KAZN: variants seen among roughly 807,000 people sequenced by gnomAD.
KAZN encodes kazrin, periplakin interacting protein, also known as kazrin.
KAZN carries 40 observed loss-of-function variants against 87.4 expected under a neutral mutation model. The ratio of observed to expected loss-of-function variants is 0.46; its 90% confidence interval spans 0.36 to 0.60. The LOEUF is 0.60. Ranked by LOEUF, KAZN falls within the 20% of genes least tolerant of loss-of-function variation. KAZN has a pLI of 0.00. For missense variants in KAZN, 898 were observed against 1,073.9 expected, an observed-to-expected ratio of 0.84 and a Z score of 2.29; for synonymous variants, 466 against 458.3, an observed-to-expected ratio of 1.02 and a Z score of -0.22.
intron 2 of KAZN, among the ~76,000 whole-genome samples, chr1:14,574,758 A>G (rs1464969252): frequency 1.3e-5 from 2 of 152,200 alleles, no homozygotes; most frequent in Non-Finnish European, 2.9e-5. Flanking sequence ...TGCAAAGGTA[A>G]GAGAGGTCTC....
chr1:14,106,764 G>A (rs1462329595), intron 1 of KAZN, among the ~76,000 whole-genome samples: 2 of 152,170 alleles, frequency 1.3e-5, no homozygotes, highest in East Asian at 3.9e-4. Flanking sequence ...AGATGTGAAT[G>A]ATATATTTTG....
chr1:14,084,547 C>A (rs914413293), intron 1 of KAZN, among the ~76,000 whole-genome samples: 8 of 152,078 alleles, frequency 5.3e-5, no homozygotes, highest in Admixed American at 5.2e-4. Flanking sequence ...CTGTTGCAGC[C>A]CATGTTAAGG....
chr1:14,238,022 T>G (rs1648585620), intron 2 of KAZN, among the ~76,000 whole-genome samples: 1 of 152,214 alleles, frequency 6.6e-6, no homozygotes, highest in African/African-American at 2.4e-5. Context: ...CCTCCAATTT[T>G]TTTCAATGAC....
chr1:15,065,027 C>CTTT (rs780410306), intron 7 of KAZN, among the ~76,000 whole-genome samples: 1,539 of 102,626 alleles, frequency 0.015, 45 homozygotes, highest in East Asian at 0.048. Context: ...CTTTTTCTTT[C>CTTT]TTTTTTTTTT....
intron 3 of KAZN, among the ~76,000 whole-genome samples, chr1:15,038,835 G>A (rs895359324): frequency 6.7e-5 from 7 of 104,682 alleles, no homozygotes; most frequent in African/African-American, 1.9e-4. Flanking sequence ...ATACAGACAT[G>A]AATGTGCTAT....
intron 2 of KAZN, among the ~76,000 whole-genome samples, chr1:14,966,233 G>A (rs1340497771): frequency 6.6e-6 from 1 of 152,132 alleles, no homozygotes; most frequent in African/African-American, 2.4e-5. Context: ...GCCTGCCTCG[G>A]CCTCCCAAAG....
chr1:14,982,417 ATTTTTTTTTTTTTTT>A (rs71000353), intron 2 of KAZN, among the ~76,000 whole-genome samples: 2 of 64,790 alleles, frequency 3.1e-5, no homozygotes, highest in Admixed American at 2.1e-4. Context: ...AGCACCTGAG[ATTTTTTTTTTTTTTT>A]TTTTTTTTTT....
intron 2 of KAZN, among the ~76,000 whole-genome samples, chr1:14,473,505 T>C (rs1003699227): frequency 3.9e-5 from 6 of 152,042 alleles, no homozygotes; most frequent in African/African-American, 1.4e-4. Context: ...CATATGCCTG[T>C]AGTTCCAGCT....
In KAZN at chr1:15,066,878, C is replaced by G. The variant is rs1478853109; in HGVS notation, c.1222+1125C>G. On this transcript the variant is annotated intron_variant, in intron 8 of 14. Transcript: ENST00000376030. This position sits in a 1 kb window ranked among gnomAD's most constrained non-coding sequence, Gnocchi z 4.3. ...AAGGATCCTCCACCTTCTTCCCACC[C>G]AGAGCTCCCTCCAGGCCTTTCTCTA... 2 of 985,380 alleles carry G rather than the reference C, an allele frequency of 2.0e-6. No individual in the cohort carries two copies. Among genetic ancestry groups the G allele is most frequent in the African/African-American group, 3.5e-5 (2 of 57,240 alleles). The allele number at this position is 985,380 out of a possible 1,614,324, so 61.0% of individuals were successfully genotyped here. A position where few individuals can be genotyped will look rare whatever the true frequency, so the allele number is the denominator to read the frequency against.
chr1:13,945,549 T>C (rs577665460), intron 1 of KAZN, among the ~76,000 whole-genome samples: 1 of 152,034 alleles, frequency 6.6e-6, no homozygotes, highest in African/African-American at 2.4e-5. Flanking sequence ...CTGTGCACTT[T>C]GCTAATATCA....
chr1:14,304,794 T>C, intron 2 of KAZN: 2 of 395,386 alleles, frequency 5.1e-6, no homozygotes, highest in African/African-American at 2.1e-5. Context: ...GCATTTTCCG[T>C]TCATTCTTGA....
intron 2 of KAZN, among the ~76,000 whole-genome samples, chr1:14,451,804 C>CAGA (rs1667292269): frequency 6.6e-6 from 1 of 152,102 alleles, no homozygotes; most frequent in South Asian, 2.1e-4. Flanking sequence ...AAATCCAAAC[C>CAGA]CAAGGACCAG....
chr1:14,056,936 C>T (rs1242446420), intron 1 of KAZN, among the ~76,000 whole-genome samples: 4 of 150,674 alleles, frequency 2.7e-5, no homozygotes, highest in African/African-American at 9.8e-5. Flanking sequence ...CCCAGCTACT[C>T]GGGAGACTGA....
intron 2 of KAZN, among the ~76,000 whole-genome samples, chr1:14,194,103 T>C (rs928120733): frequency 6.6e-6 from 1 of 152,150 alleles, no homozygotes; most frequent in African/African-American, 2.4e-5. Flanking sequence ...CTGGGAAGTA[T>C]TCCAGATGCA....
At chr1:15,098,289 T>C (rs1640885977) in intron 10 of KAZN, among the ~76,000 whole-genome samples, 2 of 152,232 alleles carry the variant, frequency 1.3e-5, no homozygotes, top group Admixed American at 6.5e-5. Context: ...ATCATGCTGT[T>C]TTATTCAACT....
chr1:14,877,247 G>T (rs1652869724), intron 1 of KAZN, among the ~76,000 whole-genome samples: 1 of 152,148 alleles, frequency 6.6e-6, no homozygotes, highest in African/African-American at 2.4e-5. Context: ...TTCTACTGAA[G>T]ACACCATCCT....
At chr1:14,126,397 G>A (rs1191094101) in intron 1 of KAZN, among the ~76,000 whole-genome samples, 1 of 140,584 alleles carries the variant, frequency 7.1e-6, no homozygotes, top group Non-Finnish European at 1.5e-5. Flanking sequence ...TACATTTTAA[G>A]ACGAAGAAAC....
At chr1:14,584,179 G>A (rs545956713) in intron 2 of KAZN, among the ~76,000 whole-genome samples, 19 of 152,334 alleles carry the variant, frequency 1.2e-4, no homozygotes, top group African/African-American at 3.8e-4. Flanking sequence ...CCCTGGGGTC[G>A]TGGGGCTGGG....
At chr1:14,078,893 C>T (rs1643565223) in intron 1 of KAZN, among the ~76,000 whole-genome samples, 2 of 152,266 alleles carry the variant, frequency 1.3e-5, no homozygotes, top group South Asian at 4.1e-4. Flanking sequence ...CCATGTTGAA[C>T]AGGCTGGTCC....
Sources: allele counts gnomAD v4.1 joint callset (sites outside exome capture counted in the v4.1 genomes callset), GRCh38; gene constraint gnomAD v4.1.1; non-coding constraint Gnocchi (gnomAD v3.1); transcripts MANE v1.5; gene names NCBI Gene and HGNC (gene_info 2026-07-23, HGNC 2026-07-21).